The following IFFO2 variants were observed in gnomAD, a reference collection of about 807,000 sequenced individuals.
The protein encoded by IFFO2 is intermediate filament family orphan 2.
A neutral mutation model predicts 53.5 loss-of-function variants in IFFO2; 19 were observed. The observed-to-expected ratio is 0.36, with a 90% CI of 0.25 to 0.52. IFFO2 has a LOEUF of 0.52. Among genes scored for constraint, IFFO2 ranks in the 20% least tolerant of loss-of-function variants. IFFO2 has a pLI of 0.94. For synonymous variants in IFFO2, 303 were observed against 313.6 expected, an observed-to-expected ratio of 0.97 and a Z score of 0.36; for missense variants, 570 against 727.4, an observed-to-expected ratio of 0.78 and a Z score of 2.49.
At chr1:18,923,493 G>C (rs536683905) in intron 1 of IFFO2, among the ~76,000 whole-genome samples, 1 of 152,186 alleles carries the variant, frequency 6.6e-6, no homozygotes, top group Non-Finnish European at 1.5e-5. Flanking sequence ...CCATTAACTG[G>C]GGGGTACGTT....
At position 18,956,265 on chromosome 1, in the gene IFFO2, C is replaced by T. The variant is rs765253307; in HGVS notation, c.68G>A (p.Gly23Glu). 7 of 836,618 alleles carry T rather than the reference C, an allele frequency of 8.4e-6. No individual in the cohort carries two copies. In the South Asian group the frequency reaches 3.0e-4, roughly 36 times the overall value. The allele number at this position is 836,618 out of a possible 1,614,324, so 51.8% of individuals were successfully genotyped here. A position where few individuals can be genotyped will look rare whatever the true frequency, so the allele number is the denominator to read the frequency against. The change falls in exon 1 of 9, where the codon GGG becomes GAG. Residue 23 changes from glycine to glutamate, a missense_variant. By Grantham distance (98) the Gly-to-Glu change is moderately conservative (BLOSUM62 -2). Transcript: ENST00000455833. This position sits in a 1 kb window ranked among gnomAD's most constrained non-coding sequence, Gnocchi z 6.4. ...AFGCPPGGGG[G>E]GCPGGGGGGG... ...GCCGCCGCCCCCGCCAGGGCAGCCC[C>T]CGCCGCCGCCGCCCGGCGGGCAGCC...
In IFFO2 at chr1:18,907,614, C is replaced by G. The variant is rs528250998; in HGVS notation, c.*947G>C. On this transcript the variant is annotated 3_prime_UTR_variant, in exon 9 of 9. Transcript: ENST00000455833. Reference sequence around the variant, plus strand: ...GGGAAATCAAGGATCCCTCCGCCCCCGCCCTGAACCCAGAGGTCCGGAAGG... The same window carrying G: ...GGGAAATCAAGGATCCCTCCGCCCCGGCCCTGAACCCAGAGGTCCGGAAGG... The G allele has an allele frequency of 1.1e-4, 16 of 152,248 alleles. No homozygotes were observed. The highest frequency in any genetic ancestry group is 3.9e-4 in the African/African-American group (16 of 41,440). The allele number at this position is 152,248 out of a possible 1,614,324, so 9.4% of individuals were successfully genotyped here.
chr1:18,938,581 C>T (rs899795654), intron 1 of IFFO2, among the ~76,000 whole-genome samples: 2 of 152,220 alleles, frequency 1.3e-5, no homozygotes, highest in African/African-American at 2.4e-5. Flanking sequence ...CACCAGCAGG[C>T]CTCGGGGGAA....
At chr1:18,939,430 CA>C (rs1464805251) in intron 1 of IFFO2, among the ~76,000 whole-genome samples, 4 of 152,224 alleles carry the variant, frequency 2.6e-5, no homozygotes, top group Non-Finnish European at 4.4e-5. Context: ...TGGCTGTGGA[CA>C]TGTTGCTCAA....
In IFFO2 at chr1:18,956,507, C is replaced by G. The variant is rs1431647380; in HGVS notation, c.-175G>C. ...CGCAGAGACGGCAGGACGGATGGCC[C>G]CGGATGCGGGCGCCGAGGCGAGAGA... On this transcript the variant is annotated 5_prime_UTR_variant, in exon 1 of 9. Coordinates refer to ENST00000455833, the MANE Select transcript of IFFO2 (RefSeq NM_001136265.2). This position sits in a 1 kb window ranked among gnomAD's most constrained non-coding sequence, Gnocchi z 6.4. 1 of 158,592 alleles carries G rather than the reference C, an allele frequency of 6.3e-6. No individual in the cohort carries two copies. The highest frequency in any genetic ancestry group is 1.4e-5 in the Non-Finnish European group (1 of 72,596). 9.8% of individuals were successfully genotyped at this position (158,592 alleles called of 1,614,324 possible).
intron 1 of IFFO2, among the ~76,000 whole-genome samples, chr1:18,940,828 C>T (rs533574873): frequency 3.3e-4 from 50 of 152,296 alleles, no homozygotes; most frequent in African/African-American, 1.1e-3. Context: ...GATACAAATA[C>T]GCAACACGTG....
intron 1 of IFFO2, among the ~76,000 whole-genome samples, chr1:18,931,697 C>G (rs1026182791): frequency 3.3e-5 from 5 of 152,190 alleles, no homozygotes; most frequent in Non-Finnish European, 7.3e-5. Context: ...TTCTGTGAGC[C>G]GGATGTTATC....
chr1:18,948,916 A>C (rs909568352), intron 1 of IFFO2, among the ~76,000 whole-genome samples: 7 of 151,968 alleles, frequency 4.6e-5, no homozygotes, highest in Non-Finnish European at 7.4e-5. Flanking sequence ...TTCTTCCACA[A>C]CCTCCGGACA....
chr1:18,923,145 C>T (rs953028533), intron 1 of IFFO2, among the ~76,000 whole-genome samples: 7 of 152,222 alleles, frequency 4.6e-5, no homozygotes, highest in Non-Finnish European at 8.8e-5. Context: ...TAGAGCGAAC[C>T]TGCTAACACA....
At chr1:18,927,288 A>G (rs1936315396) in intron 1 of IFFO2, among the ~76,000 whole-genome samples, 1 of 152,208 alleles carries the variant, frequency 6.6e-6, no homozygotes, top group South Asian at 2.1e-4. Flanking sequence ...AGCGGCCGGC[A>G]CGCCTAGGCC....
intron 5 of IFFO2, among the ~76,000 whole-genome samples, chr1:18,912,448 C>T (rs16862363): frequency 0.27 from 41,688 of 152,066 alleles, 6,153 homozygotes; most frequent in East Asian, 0.42. Context: ...ATAATATCAT[C>T]TTCTCTGCAA....
intron 1 of IFFO2, 56 bp downstream of exon 1, chr1:18,955,612 G>C (rs2148195843): frequency 6.7e-7 from 1 of 1,503,688 alleles, no homozygotes; most frequent in Middle Eastern, 2.3e-4. Flanking sequence ...GCATTCCGCG[G>C]CAGCCTGGAC....
chr1:18,927,101 C>A (rs529742432), intron 1 of IFFO2, among the ~76,000 whole-genome samples: 1 of 152,260 alleles, frequency 6.6e-6, no homozygotes, highest in Admixed American at 6.5e-5. Flanking sequence ...CCAGCCACCC[C>A]CTTTCGAAGG....
chr1:18,932,936 G>A (rs4912076), intron 1 of IFFO2, among the ~76,000 whole-genome samples: 80,999 of 151,712 alleles, frequency 0.53, 24,339 homozygotes, highest in African/African-American at 0.82. Context: ...ATGAGCGAGC[G>A]TTGGGTGTTT....
At chr1:18,945,110 C>T (rs1936569533) in intron 1 of IFFO2, among the ~76,000 whole-genome samples, 1 of 152,216 alleles carries the variant, frequency 6.6e-6, no homozygotes, top group Non-Finnish European at 1.5e-5. Flanking sequence ...TTCTCTTCCA[C>T]TCTTACTGAA....
At chr1:18,913,854 A>G (rs1936086016) in intron 5 of IFFO2, among the ~76,000 whole-genome samples, 1 of 152,030 alleles carries the variant, frequency 6.6e-6, no homozygotes, top group African/African-American at 2.4e-5. Flanking sequence ...TTTGTTTGAG[A>G]CGGAGTCTCG....
chr1:18,938,833 AAGGCAGT>A (rs372405169), intron 1 of IFFO2, among the ~76,000 whole-genome samples: 6 of 152,320 alleles, frequency 3.9e-5, no homozygotes, highest in African/African-American at 1.4e-4. Flanking sequence ...CAGGCCCTCA[AAGGCAGT>A]AGGCAGTCTC....
chr1:18,911,844 G>A (rs1936045235), intron 6 of IFFO2, 119 bp downstream of exon 6: 1 of 1,325,018 alleles, frequency 7.5e-7, no homozygotes, highest in South Asian at 1.4e-5. Flanking sequence ...TGGCCCAAAG[G>A]GGACAGTTTA....
rs148473359 is a variant in IFFO2, at chr1:18,939,304, C to T, written c.665+16364G>A. On this transcript the variant is annotated intron_variant, in intron 1 of 8. Coordinates refer to ENST00000455833, the MANE Select transcript of IFFO2 (RefSeq NM_001136265.2). ...GTTCTGCTTCCAGGACATCTGTCTG[C>T]GGCAGGGACCACCAGGCCAGAGGCC... is the stretch of plus-strand genomic sequence containing the variant. Among the ~76,000 whole-genome samples the T allele has an allele frequency of 2.7e-3, 411 of 152,300 alleles. 2 individuals carry two copies. The highest frequency in any genetic ancestry group is 9.3e-3 in the African/African-American group (388 of 41,560).
Sources: gnomAD v4.1 joint callset for allele counts (sites outside exome capture counted in the v4.1 genomes callset) on GRCh38, gnomAD v4.1.1 for gene constraint, Gnocchi (gnomAD v3.1) non-coding constraint, MANE v1.5 for transcripts, NCBI Gene and HGNC (gene_info 2026-07-23, HGNC 2026-07-21) for gene names.